The following FARP1 variants were observed in gnomAD, a reference collection of about 807,000 sequenced individuals.
FARP1 encodes FERM, ARH/RhoGEF and pleckstrin domain protein 1, also known as FERM, ARHGEF and pleckstrin domain-containing protein 1.
Under a neutral mutation model 128.8 loss-of-function variants are expected in FARP1, and 52 were observed. The observed-to-expected ratio is 0.40, with a 90% confidence interval of 0.32 to 0.51. FARP1 has a LOEUF of 0.51. Ranked by LOEUF, FARP1 falls within the 20% of genes least tolerant of loss-of-function variation. The pLI, the probability that FARP1 is intolerant of heterozygous loss-of-function variation, is 0.45. For missense variants in FARP1, 1,333 were observed against 1,367.9 expected, an observed-to-expected ratio of 0.97 and a Z score of 0.40; for synonymous variants, 580 against 551.8, an observed-to-expected ratio of 1.05 and a Z score of -0.72.
intron 2 of FARP1, among the ~76,000 whole-genome samples, chr13:98,343,001 G>A (rs1252752437): frequency 2.0e-5 from 3 of 151,920 alleles, no homozygotes; most frequent in Non-Finnish European, 4.4e-5. Context: ...TCCAGCCTGG[G>A]CAATAAGAGC....
chr13:98,318,997 C>G (rs1283623806), intron 2 of FARP1, among the ~76,000 whole-genome samples: 1 of 105,124 alleles, frequency 9.5e-6, no homozygotes, highest in Non-Finnish European at 1.8e-5. Flanking sequence ...GGATCTCATT[C>G]TGTTGCCCAG....
intron 2 of FARP1, among the ~76,000 whole-genome samples, chr13:98,290,178 T>C (rs1487296588): frequency 1.3e-5 from 2 of 151,858 alleles, no homozygotes; most frequent in Non-Finnish European, 2.9e-5. Context: ...GAACTTACGT[T>C]CCAGTACAGA....
intron 2 of FARP1, among the ~76,000 whole-genome samples, chr13:98,259,671 C>T (rs1594331252): frequency 6.6e-6 from 1 of 152,068 alleles, no homozygotes; most frequent in African/African-American, 2.4e-5. Flanking sequence ...CTAAATATTC[C>T]TAATTACATT....
chr13:98,435,725 A>G lies in FARP1; in HGVS notation c.2274+19A>G, dbSNP rs771737528. The G allele has an allele frequency of 2.5e-6, 4 of 1,612,796 alleles. No homozygotes were observed. In the African/African-American group the frequency reaches 4.0e-5, roughly 16 times the overall value. On this transcript the variant is annotated intron_variant, in intron 19 of 26. Transcript: ENST00000319562. ...GGGAAGGGTAAGCAGCAGTGGCCTCACTATGCACTGCGCGGGGAGCAGAAA... is the reference window on the plus strand; with the variant it reads ...GGGAAGGGTAAGCAGCAGTGGCCTCGCTATGCACTGCGCGGGGAGCAGAAA...
upstream of FARP1, chr13:98,142,839 T>A (rs945547643): frequency 6.6e-6 from 1 of 151,864 alleles, no homozygotes; most frequent in East Asian, 2.0e-4. Flanking sequence ...CGCGCTGCAT[T>A]AGGTAGCGCC....
chr13:98,287,800 C>CTTTTTTTT (rs35204639), intron 2 of FARP1, among the ~76,000 whole-genome samples: 1 of 116,700 alleles, frequency 8.6e-6, no homozygotes, highest in African/African-American at 3.5e-5. Context: ...CCAGGCACTT[C>CTTTTTTTT]TTTTTTTTTT....
At chr13:98,370,423 C>A (rs918814280) in intron 5 of FARP1, among the ~76,000 whole-genome samples, 1 of 152,098 alleles carries the variant, frequency 6.6e-6, no homozygotes, top group South Asian at 2.1e-4. Flanking sequence ...ATGGTGATGG[C>A]AAAGAAGCCA....
At chr13:98,282,391 A>G (rs992852346) in intron 2 of FARP1, among the ~76,000 whole-genome samples, 1 of 152,226 alleles carries the variant, frequency 6.6e-6, no homozygotes, top group African/African-American at 2.4e-5. Flanking sequence ...GGAAAGAGAT[A>G]GAGCAAAGTG....
chr13:98,176,278 C>A lies in FARP1; in HGVS notation c.-24+32786C>A, dbSNP rs1246276850. The A allele has an allele frequency of 5.0e-6, 8 of 1,611,904 alleles. No homozygotes were observed. In the Admixed American group the frequency reaches 1.3e-4, roughly 27 times the overall value. ...GTCTTCTGTGAAATGGGACTTGCCC[C>A]CACCTTCTGCAGCCTGAAGCTTTTG... On this transcript the variant is annotated intron_variant, in intron 1 of 26. Coordinates refer to ENST00000319562, the MANE Select transcript of FARP1 (RefSeq NM_005766.4). This position sits in a 1 kb window ranked among gnomAD's most constrained non-coding sequence, Gnocchi z 6.2.
intron 8 of FARP1, among the ~76,000 whole-genome samples, chr13:98,386,394 C>G (rs1350353815): frequency 6.6e-6 from 1 of 152,136 alleles, no homozygotes; most frequent in Non-Finnish European, 1.5e-5. Flanking sequence ...CATAATGATT[C>G]TCTGCACTCT....
At chr13:98,192,865 T>C (rs1348459251) in intron 1 of FARP1, among the ~76,000 whole-genome samples, 1 of 152,232 alleles carries the variant, frequency 6.6e-6, no homozygotes, top group South Asian at 2.1e-4. Context: ...TTTGAGTTGG[T>C]ATTTTATCAA....
intron 3 of FARP1, among the ~76,000 whole-genome samples, chr13:98,347,961 C>T (rs1888249010): frequency 6.6e-6 from 1 of 152,288 alleles, no homozygotes; most frequent in Admixed American, 6.5e-5. Flanking sequence ...ATTTAGGCAG[C>T]TTGAATTTCT....
At chr13:98,412,304 G>A (rs963564302) in intron 16 of FARP1, among the ~76,000 whole-genome samples, 11 of 152,120 alleles carry the variant, frequency 7.2e-5, no homozygotes, top group Admixed American at 2.6e-4. Flanking sequence ...AAAGACAGTC[G>A]TTACTTCTGG....
At chr13:98,238,419 T>A (rs1301570642) in intron 2 of FARP1, among the ~76,000 whole-genome samples, 3 of 152,144 alleles carry the variant, frequency 2.0e-5, no homozygotes, top group Non-Finnish European at 4.4e-5. Flanking sequence ...ACATACAAAT[T>A]ATGTGTTAAT....
intron 3 of FARP1, among the ~76,000 whole-genome samples, chr13:98,361,343 G>A (rs573752306): frequency 2.8e-4 from 43 of 152,342 alleles, no homozygotes; most frequent in African/African-American, 9.9e-4. Context: ...AGCCCCATGT[G>A]TTATAAAACC....
rs117825728 is a variant in FARP1 at position 98,303,628 on chromosome 13, C to T, written c.172-40134C>T. Among the ~76,000 whole-genome samples, 1,206 of 152,240 alleles carry T rather than the reference C, an allele frequency of 7.9e-3. 13 individuals are homozygous for T. The highest frequency in any genetic ancestry group is 0.012 in the Non-Finnish European group (817 of 68,024). On this transcript the variant is annotated intron_variant, in intron 2 of 26. Transcript: ENST00000319562. ...GCAGATGTTCCAGAGTCCCCGTTGTCGTCTTCTGAAATGCTCAACATACAA... is the reference window on the plus strand; with the variant it reads ...GCAGATGTTCCAGAGTCCCCGTTGTTGTCTTCTGAAATGCTCAACATACAA...
chr13:98,236,502 G>T (rs1463926710), intron 2 of FARP1, among the ~76,000 whole-genome samples: 1 of 152,040 alleles, frequency 6.6e-6, no homozygotes, highest in Non-Finnish European at 1.5e-5. Context: ...CAAGTCCAAT[G>T]TTATGCAGAG....
At chr13:98,268,613 G>A (rs1884242767) in intron 2 of FARP1, among the ~76,000 whole-genome samples, 1 of 152,002 alleles carries the variant, frequency 6.6e-6, no homozygotes, top group Non-Finnish European at 1.5e-5. Context: ...GATTACAGGC[G>A]CCCACCAACA....
chr13:98,343,697 AG>A, intron 2 of FARP1, 64 bp from the exon 3 acceptor site: 2 of 1,108,014 alleles, frequency 1.8e-6, no homozygotes, highest in Non-Finnish European at 2.8e-6. Flanking sequence ...TCCTGCAGCG[AG>A]GAGCTGTGGT....
Sources: gnomAD v4.1 joint callset for allele counts (sites outside exome capture counted in the v4.1 genomes callset) on GRCh38, gnomAD v4.1.1 for gene constraint, Gnocchi (gnomAD v3.1) non-coding constraint, MANE v1.5 for transcripts, NCBI Gene and HGNC (gene_info 2026-07-23, HGNC 2026-07-21) for gene names.